DOCK3: variants seen among roughly 807,000 people sequenced by gnomAD.
DOCK3 encodes dedicator of cytokinesis protein 3.
Under a neutral mutation model 265.6 loss-of-function variants are expected in DOCK3, and 60 were observed. The observed-to-expected ratio is 0.23, with a 90% confidence interval of 0.18 to 0.28. DOCK3 has a LOEUF of 0.28. Among genes scored for constraint, DOCK3 ranks in the 10% least tolerant of loss-of-function variants. The pLI, the probability that DOCK3 is intolerant of heterozygous loss-of-function variation, is 1.00. For synonymous variants in DOCK3, 881 were observed against 938.0 expected (o/e 0.94, Z 1.11); for missense variants, 1,981 against 2,594.3 (o/e 0.76, Z 5.14).
At chr3:51,058,777 G>C (rs1019328547) in intron 5 of DOCK3, among the ~76,000 whole-genome samples, 2 of 151,678 alleles carry the variant, frequency 1.3e-5, no homozygotes, top group African/African-American at 2.4e-5. Context: ...GGCTTCACAT[G>C]GGAGAAGGGA....
chr3:50,830,746 A>G (rs922238005), intron 2 of DOCK3, among the ~76,000 whole-genome samples: 3 of 152,186 alleles, frequency 2.0e-5, no homozygotes, highest in Admixed American at 6.5e-5. Flanking sequence ...CTTCACTTGC[A>G]TTGGGTGACT....
Position 51,310,240 on chromosome 3 carries a change from G to A in DOCK3, c.2931G>A (p.Leu977=), listed in dbSNP as rs756277459. The part of the protein sequence containing the change: ...FQSKDELKEF[L]LKIFCVFRNL... ...CTTTCCTCTGCTGTCAGGAATTTCT[G>A]CTGAAGATTTTTTGCGTGTTCCGGA... is the stretch of plus-strand genomic sequence containing the variant. The change falls in exon 28 of 53, where the codon CTG becomes CTA. Residue 977 remains leucine (L), a synonymous_variant. Coordinates refer to ENST00000266037, the MANE Select transcript of DOCK3 (RefSeq NM_004947.5). The A allele has an allele frequency of 6.3e-7, 1 of 1,599,606 alleles. No homozygotes were observed. The highest frequency in any genetic ancestry group is 8.5e-7 in the Non-Finnish European group (1 of 1,172,740).
At chr3:50,719,401 G>A (rs890552712) in intron 1 of DOCK3, 14 of 538,652 alleles carry the variant, frequency 2.6e-5, no homozygotes, top group Admixed American at 1.9e-4. Context: ...AGGATGCTGC[G>A]AGCAAATGGA....
chr3:50,955,798 A>G (rs1425251315), intron 5 of DOCK3, among the ~76,000 whole-genome samples: 1 of 152,118 alleles, frequency 6.6e-6, no homozygotes, highest in Non-Finnish European at 1.5e-5. Flanking sequence ...GAGTTTACCT[A>G]TATAACAAAC....
intron 1 of DOCK3, among the ~76,000 whole-genome samples, chr3:50,746,108 A>AG (rs1360496112): frequency 1.1e-5 from 1 of 93,598 alleles, no homozygotes; most frequent in Non-Finnish European, 2.5e-5. Flanking sequence ...GATGATGTCT[A>AG]ATTTTTTTTT....
chr3:51,344,453 C>G lies in DOCK3; in HGVS notation c.3915+3068C>G, dbSNP rs551013284. Among the ~76,000 whole-genome samples, 21 of 152,298 alleles carry G rather than the reference C, an allele frequency of 1.4e-4. No homozygotes were observed. In the South Asian group the frequency reaches 3.3e-3, roughly 24 times the overall value. ...TGGCCAACATGGTGAAACCTCGTCT[C>G]TACTGAAAATACAAACATTAGCTGG... On this transcript the variant is annotated intron_variant, in intron 38 of 52. Coordinates refer to ENST00000266037, the MANE Select transcript of DOCK3 (RefSeq NM_004947.5).
intron 9 of DOCK3, among the ~76,000 whole-genome samples, chr3:51,113,968 G>C (rs1437927496): frequency 6.6e-6 from 1 of 152,040 alleles, no homozygotes; most frequent in Non-Finnish European, 1.5e-5. Context: ...AATTAGCAAG[G>C]CATGGTGGCA....
At chr3:51,260,454 C>A in intron 23 of DOCK3, 128 bp downstream of exon 23, 1 of 1,128,162 alleles carries the variant, frequency 8.9e-7, no homozygotes, top group Non-Finnish European at 1.2e-6. Context: ...GGATTATTTA[C>A]AAGGAAATAC....
intron 2 of DOCK3, among the ~76,000 whole-genome samples, chr3:50,809,697 A>G (rs2043628426): frequency 1.3e-5 from 2 of 152,218 alleles, no homozygotes; most frequent in African/African-American, 4.8e-5. Context: ...CATACAACTG[A>G]ATGTGATATA....
At chr3:51,116,473 G>A (rs1308714878) in intron 9 of DOCK3, among the ~76,000 whole-genome samples, 17 of 106,572 alleles carry the variant, frequency 1.6e-4, no homozygotes, top group East Asian at 5.8e-4. Flanking sequence ...AAAAAAAAAA[G>A]GGTAGTTTTT....
intron 2 of DOCK3, among the ~76,000 whole-genome samples, chr3:50,779,850 A>T (rs985590073): frequency 6.6e-6 from 1 of 152,230 alleles, no homozygotes; most frequent in Non-Finnish European, 1.5e-5. Context: ...AAATCAGAGT[A>T]TTAACAAAAG....
chr3:51,193,933 T>C (rs1430275471), intron 12 of DOCK3, among the ~76,000 whole-genome samples: 1 of 151,888 alleles, frequency 6.6e-6, no homozygotes, highest in African/African-American at 2.4e-5. Flanking sequence ...TTTTGCTCTT[T>C]TCTTCTGCTA....
intron 5 of DOCK3, among the ~76,000 whole-genome samples, chr3:50,992,628 A>G (rs2078148691): frequency 1.3e-5 from 2 of 152,186 alleles, no homozygotes; most frequent in South Asian, 2.1e-4. Context: ...TTTGTTTTAA[A>G]TAATAGGCCA....
intron 1 of DOCK3, among the ~76,000 whole-genome samples, chr3:50,766,184 A>G (rs966237383): frequency 1.2e-4 from 19 of 152,028 alleles, no homozygotes; most frequent in Non-Finnish European, 8.8e-5. Flanking sequence ...TAGGTTTGTT[A>G]CATATGTATA....
At chr3:50,919,117 T>C (rs1247116329) in intron 4 of DOCK3, among the ~76,000 whole-genome samples, 1 of 152,230 alleles carries the variant, frequency 6.6e-6, no homozygotes, top group East Asian at 1.9e-4. Context: ...TCCATTGGTC[T>C]ATATCTCTGT....
chr3:51,061,153 G>A (rs950120847), intron 5 of DOCK3, among the ~76,000 whole-genome samples: 3 of 152,192 alleles, frequency 2.0e-5, no homozygotes, highest in African/African-American at 7.2e-5. Context: ...AGTCAGTGTG[G>A]CGATTCCTCA....
intron 5 of DOCK3, among the ~76,000 whole-genome samples, chr3:51,015,063 G>A (rs990077866): frequency 2.6e-5 from 4 of 151,930 alleles, no homozygotes; most frequent in African/African-American, 4.8e-5. Flanking sequence ...CTAAATATAA[G>A]GTCATATTAA....
chr3:50,955,762 A>G (rs2076712785), intron 5 of DOCK3, among the ~76,000 whole-genome samples: 1 of 152,108 alleles, frequency 6.6e-6, no homozygotes, highest in Admixed American at 6.5e-5. Context: ...TGATGAAATA[A>G]TCTGTACAAC....
At chr3:50,840,167 T>C (rs2045747354) in intron 2 of DOCK3, among the ~76,000 whole-genome samples, 1 of 152,206 alleles carries the variant, frequency 6.6e-6, no homozygotes, top group Non-Finnish European at 1.5e-5. Context: ...TCCCAGTTTG[T>C]GGCTTGTCAT....
Sources: allele counts gnomAD v4.1 joint callset (sites outside exome capture counted in the v4.1 genomes callset), GRCh38; gene constraint gnomAD v4.1.1; transcripts MANE v1.5; gene names NCBI Gene and HGNC (gene_info 2026-07-23, HGNC 2026-07-21).